DOCK5: variants seen among roughly 807,000 people sequenced by gnomAD.
DOCK5 encodes dedicator of cytokinesis 5.
DOCK5 carries 142 observed loss-of-function variants against 251.8 expected under a neutral mutation model. The observed-to-expected ratio is 0.56, with a 90% confidence interval of 0.49 to 0.65. DOCK5 has a LOEUF of 0.65. Among genes scored for constraint, DOCK5 ranks in the 30% least tolerant of loss-of-function variants. The probability of loss-of-function intolerance (pLI) is 0.00; values close to 1 mark genes in which losing one functional copy is unlikely to be tolerated. For missense variants in DOCK5, 2,111 were observed against 2,312.3 expected, an observed-to-expected ratio of 0.91 and a Z score of 1.79; for synonymous variants, 842 against 835.5, an observed-to-expected ratio of 1.01 and a Z score of -0.13.
intron 45 of DOCK5, among the ~76,000 whole-genome samples, chr8:25,396,295 A>G (rs529331257): frequency 3.9e-5 from 6 of 152,246 alleles, no homozygotes; most frequent in African/African-American, 1.4e-4. Context: ...CACGAGAATC[A>G]CTTTTAACCC....
At chr8:25,271,291 TC>T (rs1803904308) in intron 3 of DOCK5, 1 of 153,414 alleles carries the variant, frequency 6.5e-6, no homozygotes, top group African/African-American at 2.4e-5. Flanking sequence ...AGAAAAACTT[TC>T]TAATTCAATG....
chr8:25,351,728 C>G lies in DOCK5; in HGVS notation c.2755-3C>G. On this transcript the variant is annotated splice_polypyrimidine_tract_variant and splice_region_variant and intron_variant, in intron 26 of 51. Coordinates refer to ENST00000276440, the MANE Select transcript of DOCK5 (RefSeq NM_024940.8). ...ATGGAGTCAAATCCTGTGTTCCCTG[C>G]AGGGTGCCACTGCGGTGCACATTCA... 6.2e-7 allele frequency: 1 copy of G among 1,612,112 alleles called. No homozygotes were observed. Among genetic ancestry groups the G allele is most frequent in the Non-Finnish European group, 8.5e-7 (1 of 1,178,682 alleles).
intron 22 of DOCK5, among the ~76,000 whole-genome samples, chr8:25,340,052 A>G (rs921807516): frequency 6.6e-6 from 1 of 152,170 alleles, no homozygotes; most frequent in Admixed American, 6.5e-5. Context: ...AGAAACATAG[A>G]TAACATCTAG....
chr8:25,381,516 CT>C (rs1340049062), intron 39 of DOCK5, among the ~76,000 whole-genome samples: 1 of 151,840 alleles, frequency 6.6e-6, no homozygotes, highest in African/African-American at 2.4e-5. Context: ...GTCCCAGCTA[CT>C]TTTGGGAGGC....
chr8:25,198,234 G>A (rs1250370546), intron 1 of DOCK5, among the ~76,000 whole-genome samples: 1 of 152,156 alleles, frequency 6.6e-6, no homozygotes, highest in African/African-American at 2.4e-5. Flanking sequence ...CTGGAACAAT[G>A]CGGCTCTCAT....
At chr8:25,390,936 G>A (rs773194279) in intron 42 of DOCK5, among the ~76,000 whole-genome samples, 1 of 151,944 alleles carries the variant, frequency 6.6e-6, no homozygotes, top group Non-Finnish European at 1.5e-5. Context: ...AGCCTCCCAA[G>A]TAGCTGGGAT....
At chr8:25,295,385 A>T (rs1009858198) in intron 6 of DOCK5, among the ~76,000 whole-genome samples, 13 of 128,598 alleles carry the variant, frequency 1.0e-4, no homozygotes, top group African/African-American at 3.5e-4. Context: ...GGCTGTCTCT[A>T]AAAAAAATAA....
chr8:25,405,740 T>C (rs1801511460), intron 48 of DOCK5, among the ~76,000 whole-genome samples: 1 of 152,170 alleles, frequency 6.6e-6, no homozygotes, highest in South Asian at 2.1e-4. Context: ...TGAGGCTTCC[T>C]TGCCAGAAAC....
chr8:25,205,024 C>CT (rs35682795), intron 1 of DOCK5, among the ~76,000 whole-genome samples: 89,584 of 150,870 alleles, frequency 0.59, 28,834 homozygotes, highest in Non-Finnish European at 0.73. Flanking sequence ...GGGATTAGTG[C>CT]TTTTTTTAAA....
At position 25,411,196 on chromosome 8, in the gene DOCK5, C is replaced by T. The variant is rs751243509; in HGVS notation, c.5511C>T (p.Leu1837=). Residue 1837 remains leucine, a splice_region_variant and synonymous_variant, in exon 52 of 52, where the codon CTC becomes CTT. Transcript: ENST00000276440. ...YEGSQRNSTE[L]APPLPVRREA... is the part of the protein sequence containing the mutation. ...ATTTTGTGTTTCTGCTTCTGCAGCT[C>T]GCTCCCCCACTGCCTGTCCGAAGAG... 42 of 1,563,858 alleles carry T rather than the reference C, an allele frequency of 2.7e-5. No homozygotes were observed. Among genetic ancestry groups the T allele is most frequent in the East Asian group, 2.3e-4 (9 of 39,086 alleles).
chr8:25,340,390 C>T (rs1295740464), intron 22 of DOCK5, among the ~76,000 whole-genome samples: 1 of 152,142 alleles, frequency 6.6e-6, no homozygotes, highest in Admixed American at 6.5e-5. Flanking sequence ...TATTCTTGAC[C>T]AGTTAGTGGT....
chr8:25,254,797 A>C (rs1187295614), intron 2 of DOCK5, among the ~76,000 whole-genome samples: 1 of 147,204 alleles, frequency 6.8e-6, no homozygotes, highest in African/African-American at 2.5e-5. Context: ...ACAAAACAAA[A>C]AAAAAAAACA....
At chr8:25,372,804 A>C in intron 35 of DOCK5, 86 bp downstream of exon 35, 2 of 1,362,692 alleles carry the variant, frequency 1.5e-6, no homozygotes, top group Non-Finnish European at 2.0e-6. Context: ...GATCCCACAA[A>C]CACAGAGGCG....
chr8:25,360,767 CAAT>C (rs1800663554), intron 28 of DOCK5, among the ~76,000 whole-genome samples: 1 of 151,994 alleles, frequency 6.6e-6, no homozygotes, highest in South Asian at 2.1e-4. Context: ...GTAAAATTAA[CAAT>C]AAAAATTCTA....
intron 47 of DOCK5, among the ~76,000 whole-genome samples, chr8:25,401,365 G>A (rs1318767207): frequency 6.6e-6 from 1 of 152,156 alleles, no homozygotes; most frequent in Non-Finnish European, 1.5e-5. Context: ...TGGGGCCCAA[G>A]TAGTTGCAAT....
chr8:25,206,719 C>A (rs114147891), intron 1 of DOCK5, among the ~76,000 whole-genome samples: 148 of 152,284 alleles, frequency 9.7e-4, no homozygotes, highest in African/African-American at 3.5e-3. Context: ...GTAGCCTGGA[C>A]AATGACATAT....
In DOCK5 at chr8:25,380,237, T is replaced by G. The variant is rs964426680; in HGVS notation, c.3937-68T>G. 30 of 1,436,680 alleles carry G rather than the reference T, an allele frequency of 2.1e-5. No individual in the cohort carries two copies. The South Asian group carries it at 3.2e-4, about 15-fold the overall frequency. The allele number at this position is 1,436,680 out of a possible 1,614,324, so 89.0% of individuals were successfully genotyped here. ...TTGCTCATTCCCAGTGACTCGCCAGTGGCTTTTGCCACTGAATCAATGACT... is the reference window on the plus strand; with the variant it reads ...TTGCTCATTCCCAGTGACTCGCCAGGGGCTTTTGCCACTGAATCAATGACT... On this transcript the variant is annotated intron_variant, in intron 38 of 51. Coordinates refer to ENST00000276440, the MANE Select transcript of DOCK5 (RefSeq NM_024940.8).
intron 3 of DOCK5, among the ~76,000 whole-genome samples, chr8:25,273,885 C>G (rs2117122676): frequency 6.6e-6 from 1 of 152,262 alleles, no homozygotes; most frequent in Non-Finnish European, 1.5e-5. Flanking sequence ...CACCTTGTGT[C>G]TGTGTGTGTT....
At chr8:25,227,314 A>G (rs140815895) in intron 1 of DOCK5, among the ~76,000 whole-genome samples, 54 of 152,142 alleles carry the variant, frequency 3.5e-4, no homozygotes, top group African/African-American at 1.3e-3. Context: ...AGTAGCTTTT[A>G]TAAATTTATT....
Sources: allele counts gnomAD v4.1 joint callset (sites outside exome capture counted in the v4.1 genomes callset), GRCh38; gene constraint gnomAD v4.1.1; transcripts MANE v1.5; gene names NCBI Gene and HGNC (gene_info 2026-07-23, HGNC 2026-07-21).